SNTG2: variants seen among roughly 807,000 people sequenced by gnomAD.
SNTG2 encodes gamma-2-syntrophin.
SNTG2 carries 74 observed loss-of-function variants against 70.9 expected under a neutral mutation model. That is an observed-to-expected ratio of 1.04 (90% CI 0.86 to 1.27). The LOEUF (loss-of-function observed/expected upper bound fraction) is 1.27, where lower values mean the gene tolerates loss of function less well. SNTG2 is among the 50% of genes most tolerant of loss of function. The probability of loss-of-function intolerance (pLI) is 0.00; values close to 1 mark genes in which losing one functional copy is unlikely to be tolerated. For missense variants in SNTG2, 717 were observed against 690.7 expected (o/e 1.04, Z -0.43); for synonymous variants, 278 against 273.8 (o/e 1.02, Z -0.15).
chr2:1,234,976 G>A (rs140556709), intron 9 of SNTG2, among the ~76,000 whole-genome samples: 3 of 152,354 alleles, frequency 2.0e-5, no homozygotes, highest in Admixed American at 2.0e-4. Context: ...CTGAGAATCA[G>A]GAAATGCCAA....
intron 4 of SNTG2, among the ~76,000 whole-genome samples, chr2:1,099,486 A>G (rs1238824410): frequency 6.6e-6 from 1 of 151,452 alleles, no homozygotes; most frequent in Non-Finnish European, 1.5e-5. Flanking sequence ...ATTTCACCCA[A>G]TTTTACCCAA....
intron 2 of SNTG2, among the ~76,000 whole-genome samples, chr2:1,091,581 C>T (rs545483175): frequency 3.1e-4 from 47 of 152,268 alleles, no homozygotes; most frequent in Middle Eastern, 6.8e-3. Context: ...GTTAGGGCTA[C>T]GGGGCCGCTC....
intron 7 of SNTG2, among the ~76,000 whole-genome samples, chr2:1,166,179 T>G (rs927464799): frequency 1.3e-5 from 2 of 152,218 alleles, no homozygotes; most frequent in South Asian, 4.1e-4. Flanking sequence ...TCAGCTGTCA[T>G]GGCTTTATAA....
chr2:1,079,158 G>A (rs1273137199), intron 1 of SNTG2, among the ~76,000 whole-genome samples: 3 of 152,176 alleles, frequency 2.0e-5, no homozygotes, highest in East Asian at 1.9e-4. Context: ...CGGAACCCGC[G>A]TCCCCTCTCC....
intron 6 of SNTG2, 95 bp from the exon 7 acceptor site, chr2:1,165,453 C>A: frequency 1.7e-6 from 2 of 1,185,232 alleles, no homozygotes; most frequent in Non-Finnish European, 2.4e-6. Flanking sequence ...ACTTTGAATT[C>A]TTGGGAAACA....
intron 14 of SNTG2, among the ~76,000 whole-genome samples, chr2:1,290,143 G>A (rs955437315): frequency 2.0e-5 from 3 of 152,084 alleles, no homozygotes; most frequent in African/African-American, 7.2e-5. Flanking sequence ...CTGAGGTTAG[G>A]TTATTTATGA....
intron 4 of SNTG2, among the ~76,000 whole-genome samples, chr2:1,121,919 T>G (rs1358920514): frequency 6.6e-6 from 1 of 152,074 alleles, no homozygotes; most frequent in Non-Finnish European, 1.5e-5. Context: ...ATAAAAAAAG[T>G]GAAGGCATTA....
chr2:1,183,449 G>A (rs1672054653), intron 8 of SNTG2, among the ~76,000 whole-genome samples: 1 of 152,176 alleles, frequency 6.6e-6, no homozygotes, highest in Non-Finnish European at 1.5e-5. Context: ...CAAACAGGTT[G>A]TATCAACTGA....
At chr2:983,029 G>A (rs1032099331) in intron 1 of SNTG2, among the ~76,000 whole-genome samples, 3 of 152,024 alleles carry the variant, frequency 2.0e-5, no homozygotes, top group African/African-American at 7.2e-5. Context: ...GGTGATGTCA[G>A]GATGAAGAAG....
At chr2:962,935 A>G (rs11902310) in intron 1 of SNTG2, among the ~76,000 whole-genome samples, 67,572 of 152,000 alleles carry the variant, frequency 0.44, 15,612 homozygotes, top group Middle Eastern at 0.54. Flanking sequence ...ACTAGCGGGG[A>G]ATTTGGAGGT....
intron 9 of SNTG2, among the ~76,000 whole-genome samples, chr2:1,223,892 G>A (rs1444913906): frequency 6.6e-6 from 1 of 152,082 alleles, no homozygotes; most frequent in Non-Finnish European, 1.5e-5. Flanking sequence ...GTGGCCTTAT[G>A]CAGCAGACAT....
chr2:1,022,452 A>G (rs528391601), intron 1 of SNTG2, among the ~76,000 whole-genome samples: 1 of 151,400 alleles, frequency 6.6e-6, no homozygotes, highest in African/African-American at 2.4e-5. Flanking sequence ...AGTTCCCATG[A>G]TTGCCTGAGT....
intron 14 of SNTG2, among the ~76,000 whole-genome samples, chr2:1,272,135 T>G (rs137870748): frequency 1.1e-3 from 171 of 152,130 alleles, no homozygotes; most frequent in Middle Eastern, 3.4e-3. Context: ...GCACTTTATT[T>G]CTATTATTAT....
At chr2:1,172,632 A>C (rs1671200090) in intron 7 of SNTG2, among the ~76,000 whole-genome samples, 1 of 152,160 alleles carries the variant, frequency 6.6e-6, no homozygotes. Flanking sequence ...TTTTATGAGC[A>C]CCTGTTTTAC....
intron 4 of SNTG2, among the ~76,000 whole-genome samples, chr2:1,126,139 ATC>A (rs938380354): frequency 1.3e-5 from 2 of 152,026 alleles, no homozygotes; most frequent in African/African-American, 4.8e-5. Context: ...ATCTCTCCAC[ATC>A]TCTCTTACCT....
At chr2:1,175,390 A>G (rs1295745904) in intron 8 of SNTG2, among the ~76,000 whole-genome samples, 1 of 151,856 alleles carries the variant, frequency 6.6e-6, no homozygotes, top group Admixed American at 6.6e-5. Flanking sequence ...CCACCTCCTA[A>G]CTCACTCTAT....
At chr2:998,036 C>T (rs1661750007) in intron 1 of SNTG2, among the ~76,000 whole-genome samples, 1 of 152,216 alleles carries the variant, frequency 6.6e-6, no homozygotes. Context: ...AGAAAGCCAT[C>T]ATACAAAGGC....
chr2:1,253,487 C>G (rs1677879477), intron 12 of SNTG2, among the ~76,000 whole-genome samples: 1 of 152,170 alleles, frequency 6.6e-6, no homozygotes, highest in Non-Finnish European at 1.5e-5. Context: ...ATTCACAGAG[C>G]TTCGATTCTC....
At chr2:1,236,113 C>T (rs1676639885) in intron 9 of SNTG2, among the ~76,000 whole-genome samples, 1 of 152,148 alleles carries the variant, frequency 6.6e-6, no homozygotes, top group South Asian at 2.1e-4. Flanking sequence ...GTATATGTCG[C>T]ACCAGTTAAC....
Sources: gnomAD v4.1 joint callset for allele counts (sites outside exome capture counted in the v4.1 genomes callset) on GRCh38, gnomAD v4.1.1 for gene constraint, MANE v1.5 for transcripts, NCBI Gene and HGNC (gene_info 2026-07-23, HGNC 2026-07-21) for gene names.